The following CENPP variants were observed in gnomAD, a reference collection of about 807,000 sequenced individuals.
The protein encoded by CENPP is centromere protein P.
Under a neutral mutation model 35.6 loss-of-function variants are expected in CENPP, and 24 were observed. The ratio of observed to expected loss-of-function variants is 0.67; its 90% CI spans 0.49 to 0.95. CENPP has a LOEUF of 0.95. Ranked by LOEUF, CENPP falls within the 40% of genes least tolerant of loss-of-function variation. The pLI is 0.00. For synonymous variants in CENPP, 120 were observed against 125.5 expected, an observed-to-expected ratio of 0.96 and a Z score of 0.29; for missense variants, 332 against 345.3, an observed-to-expected ratio of 0.96 and a Z score of 0.31.
intron 5 of CENPP, chr9:92,390,115 G>C: frequency 1.0e-6 from 1 of 967,794 alleles, no homozygotes; most frequent in South Asian, 1.5e-5. Context: ...TGTATGGACT[G>C]AAGAAAAGCA....
chr9:92,333,929 G>A (rs1840837218), intron 2 of CENPP, among the ~76,000 whole-genome samples: 1 of 152,170 alleles, frequency 6.6e-6, no homozygotes, highest in Non-Finnish European at 1.5e-5. Context: ...ATCATGTGAA[G>A]AATGTAGACT....
chr9:92,509,721 A>G (rs1847221561), intron 5 of CENPP, among the ~76,000 whole-genome samples: 1 of 152,232 alleles, frequency 6.6e-6, no homozygotes, highest in Non-Finnish European at 1.5e-5. Context: ...AGGCAGTTTA[A>G]AATTCATTTT....
intron 5 of CENPP, chr9:92,403,203 A>G: frequency 6.9e-7 from 1 of 1,445,132 alleles, no homozygotes; most frequent in Non-Finnish European, 9.5e-7. Flanking sequence ...GCAGTATTTT[A>G]GAAGCTAAAT....
At chr9:92,522,424 T>G in intron 5 of CENPP, 1 of 930,446 alleles carries the variant, frequency 1.1e-6, no homozygotes, top group East Asian at 2.8e-5. Context: ...GTTTGTAGAT[T>G]AAACCAAAAA....
intron 5 of CENPP, among the ~76,000 whole-genome samples, chr9:92,577,823 A>C (rs887414085): frequency 6.6e-6 from 1 of 151,562 alleles, no homozygotes; most frequent in Non-Finnish European, 1.5e-5. Context: ...TTATACTTTA[A>C]GTTTTAGGGT....
Position 92,616,100 on chromosome 9 carries a change from T to G in CENPP, c.*2951T>G. The G allele has an allele frequency of 7.4e-7, 1 of 1,355,906 alleles. No individual in the cohort carries two copies. Among genetic ancestry groups the G allele is most frequent in the Non-Finnish European group, 1.0e-6 (1 of 960,044 alleles). 84.0% of individuals were successfully genotyped at this position (1,355,906 alleles called of 1,614,324 possible). A position where few individuals can be genotyped will look rare whatever the true frequency, so the allele number is the denominator to read the frequency against. ...CATTTCAGGATACACAAGCCCCCCA[T>G]TCATTTCCCTCCCTCCCGTTCTCTC... On this transcript the variant is annotated 3_prime_UTR_variant, in exon 8 of 8. Coordinates refer to ENST00000375587, the MANE Select transcript of CENPP (RefSeq NM_001012267.3).
At chr9:92,597,805 GC>G (rs1850818314) in intron 5 of CENPP, among the ~76,000 whole-genome samples, 1 of 152,140 alleles carries the variant, frequency 6.6e-6, no homozygotes, top group African/African-American at 2.4e-5. Context: ...AAGAACTACT[GC>G]TAGGACTTAC....
chr9:92,544,893 G>A (rs1259354232), intron 5 of CENPP, among the ~76,000 whole-genome samples: 1 of 151,534 alleles, frequency 6.6e-6, no homozygotes, highest in Non-Finnish European at 1.5e-5. Context: ...ATTTTTTTTT[G>A]TATTTTTAGT....
intron 5 of CENPP, among the ~76,000 whole-genome samples, chr9:92,435,849 CT>C (rs1312627554): frequency 6.6e-6 from 1 of 152,312 alleles, no homozygotes; most frequent in Non-Finnish European, 1.5e-5. Context: ...TGGGCTAATA[CT>C]AATAAAGTTG....
chr9:92,379,503 A>G (rs928698308), intron 4 of CENPP, among the ~76,000 whole-genome samples: 3 of 152,218 alleles, frequency 2.0e-5, no homozygotes, highest in Non-Finnish European at 4.4e-5. Context: ...ATAAAATTTC[A>G]GGGAATGTGG....
intron 5 of CENPP, chr9:92,401,217 T>C (rs1193321879): frequency 8.5e-6 from 8 of 936,122 alleles, no homozygotes; most frequent in Non-Finnish European, 1.4e-5. Flanking sequence ...GTTACCTAGC[T>C]TCATTAAGTC....
At chr9:92,454,389 C>T (rs1300745746) in intron 5 of CENPP, among the ~76,000 whole-genome samples, 1 of 152,104 alleles carries the variant, frequency 6.6e-6, no homozygotes, top group Non-Finnish European at 1.5e-5. Flanking sequence ...ATAAATCTGT[C>T]TTTTATTCTA....
intron 5 of CENPP, among the ~76,000 whole-genome samples, chr9:92,514,361 G>A (rs1847550833): frequency 2.0e-5 from 3 of 147,282 alleles, no homozygotes; most frequent in African/African-American, 7.5e-5. Context: ...TGCAACCTCC[G>A]CCTCCTGGAT....
At chr9:92,450,838 G>C (rs945438518) in intron 5 of CENPP, among the ~76,000 whole-genome samples, 1 of 152,148 alleles carries the variant, frequency 6.6e-6, no homozygotes, top group Non-Finnish European at 1.5e-5. Flanking sequence ...GCATTTCTCT[G>C]ATGGTCAGTG....
intron 5 of CENPP, among the ~76,000 whole-genome samples, chr9:92,529,486 C>T (rs763019071): frequency 2.0e-5 from 3 of 152,136 alleles, no homozygotes; most frequent in Non-Finnish European, 2.9e-5. Flanking sequence ...AAATCTATGT[C>T]CACACAAAAA....
At chr9:92,373,139 T>A (rs919421978) in intron 4 of CENPP, among the ~76,000 whole-genome samples, 1 of 152,160 alleles carries the variant, frequency 6.6e-6, no homozygotes, top group Non-Finnish European at 1.5e-5. Flanking sequence ...GTTTTTTAAT[T>A]TGGCCATGCA....
chr9:92,331,918 A>C (rs1429466425), intron 1 of CENPP, among the ~76,000 whole-genome samples: 1 of 152,222 alleles, frequency 6.6e-6, no homozygotes, highest in African/African-American at 2.4e-5. Context: ...ACTGCACTCC[A>C]GGCTGGGTGA....
At chr9:92,330,624 T>C (rs918009892) in intron 1 of CENPP, among the ~76,000 whole-genome samples, 7 of 151,660 alleles carry the variant, frequency 4.6e-5, no homozygotes, top group African/African-American at 1.7e-4. Flanking sequence ...AAATACCATC[T>C]AATACAATTA....
At chr9:92,385,530 T>C in intron 5 of CENPP, 1 of 1,110,740 alleles carries the variant, frequency 9.0e-7, no homozygotes, top group Non-Finnish European at 1.3e-6. Context: ...ACAAGGTTAA[T>C]ATTAAACCAA....
Sources: gnomAD v4.1 joint callset for allele counts (sites outside exome capture counted in the v4.1 genomes callset) on GRCh38, gnomAD v4.1.1 for gene constraint, MANE v1.5 for transcripts, NCBI Gene and HGNC (gene_info 2026-07-23, HGNC 2026-07-21) for gene names.